Variants in MRPS35 observed in about 807,000 individuals in gnomAD.
MRPS35 encodes the protein small ribosomal subunit protein mS35.
A neutral mutation model predicts 32.7 loss-of-function variants in MRPS35; 29 were observed. The observed-to-expected ratio is 0.89, with a 90% CI of 0.66 to 1.21. MRPS35 has a LOEUF of 1.21. Ranked by LOEUF, MRPS35 falls within the 50% of genes most tolerant of loss-of-function variation. The pLI, the probability that MRPS35 is intolerant of heterozygous loss-of-function variation, is 0.00. For missense variants in MRPS35, 373 were observed against 383.8 expected (o/e 0.97, Z 0.23); for synonymous variants, 148 against 139.3 (o/e 1.06, Z -0.44).
chr12:27,737,206 G>A (rs181150799), intron 6 of MRPS35, among the ~76,000 whole-genome samples: 16 of 152,298 alleles, frequency 1.1e-4, no homozygotes, highest in Admixed American at 9.8e-4. Flanking sequence ...ATATGTTCAT[G>A]CTATCTGGCA....
At chr12:27,724,471 G>T (rs963392631) in intron 5 of MRPS35, among the ~76,000 whole-genome samples, 2 of 151,566 alleles carry the variant, frequency 1.3e-5, no homozygotes, top group East Asian at 3.9e-4. Flanking sequence ...CACCAGGCAT[G>T]GTGGCTCCTG....
At chr12:27,749,013 A>C (rs1444277870) in intron 7 of MRPS35, among the ~76,000 whole-genome samples, 1 of 152,238 alleles carries the variant, frequency 6.6e-6, no homozygotes, top group Non-Finnish European at 1.5e-5. Flanking sequence ...ATAGTGAACT[A>C]TAAGTCAGGG....
chr12:27,734,279 G>A (rs1458962293), intron 5 of MRPS35, among the ~76,000 whole-genome samples: 3 of 124,678 alleles, frequency 2.4e-5, no homozygotes, highest in African/African-American at 8.9e-5. Flanking sequence ...TTTTGCTCTT[G>A]TTGCCCAGGC....
intron 7 of MRPS35, among the ~76,000 whole-genome samples, chr12:27,748,762 T>C (rs1429683197): frequency 6.6e-6 from 1 of 151,944 alleles, no homozygotes; most frequent in East Asian, 1.9e-4. Flanking sequence ...CCTCAGCCTC[T>C]TGGGCTCAAG....
At chr12:27,752,491 A>G in intron 7 of MRPS35, among the ~76,000 whole-genome samples, 1 of 152,248 alleles carries the variant, frequency 6.6e-6, no homozygotes, top group East Asian at 1.9e-4. Flanking sequence ...TAAATAGTTA[A>G]GTCTCTTAAT....
chr12:27,746,859 T>G (rs1415852242), intron 7 of MRPS35, among the ~76,000 whole-genome samples: 1 of 152,186 alleles, frequency 6.6e-6, no homozygotes, highest in Admixed American at 6.5e-5. Context: ...GTTTCCCCCT[T>G]TTTATCCCTA....
chr12:27,755,714 G>T lies in MRPS35; in HGVS notation c.*264G>T, dbSNP rs1041528901. 3 of 222,140 alleles carry T rather than the reference G, an allele frequency of 1.4e-5. No individual in the cohort carries two copies. The highest frequency in any genetic ancestry group is 1.4e-3 in the Middle Eastern group (1 of 694). The allele number at this position is 222,140 out of a possible 1,614,324, so 13.8% of individuals were successfully genotyped here. A position where few individuals can be genotyped will look rare whatever the true frequency, so the allele number is the denominator to read the frequency against. On this transcript the variant is annotated 3_prime_UTR_variant, in exon 8 of 8. Transcript: ENST00000081029. ...TCTACATAATAGCTTTGGTATTCAT[G>T]TATATACATGCATTTAATTGTGATT...
intron 7 of MRPS35, among the ~76,000 whole-genome samples, chr12:27,741,948 G>T (rs1435309355): frequency 6.6e-6 from 1 of 152,076 alleles, no homozygotes; most frequent in African/African-American, 2.4e-5. Context: ...TAATAAAATG[G>T]TTCTGAAAAG....
chr12:27,713,399 G>A (rs768846703), intron 1 of MRPS35, among the ~76,000 whole-genome samples: 2 of 152,250 alleles, frequency 1.3e-5, no homozygotes, highest in Middle Eastern at 3.4e-3. Flanking sequence ...CAAGCTGGAA[G>A]CCCATGTCAG....
chr12:27,734,385 G>C (rs2061934777), intron 5 of MRPS35, among the ~76,000 whole-genome samples: 1 of 151,892 alleles, frequency 6.6e-6, no homozygotes, highest in Non-Finnish European at 1.5e-5. Flanking sequence ...TGGGATTACA[G>C]GTATGCGCCA....
intron 7 of MRPS35, among the ~76,000 whole-genome samples, chr12:27,742,481 C>T (rs2061967529): frequency 6.6e-6 from 1 of 152,138 alleles, no homozygotes; most frequent in Non-Finnish European, 1.5e-5. Context: ...CTGTGAGAGC[C>T]ACAGACAAGG....
At chr12:27,746,804 G>C (rs150273258) in intron 7 of MRPS35, among the ~76,000 whole-genome samples, 2 of 152,116 alleles carry the variant, frequency 1.3e-5, no homozygotes, top group African/African-American at 4.8e-5. Flanking sequence ...TACCAAATAA[G>C]TTACCAAGTC....
chr12:27,747,898 T>C (rs78917781), intron 7 of MRPS35, among the ~76,000 whole-genome samples: 2,846 of 152,338 alleles, frequency 0.019, 93 homozygotes, highest in African/African-American at 0.063. Flanking sequence ...TAGAACATGT[T>C]GTTCTAACAC....
chr12:27,721,548 A>C (rs937966255), intron 4 of MRPS35, among the ~76,000 whole-genome samples: 2 of 152,068 alleles, frequency 1.3e-5, no homozygotes, highest in Admixed American at 1.3e-4. Context: ...AGTCCCGGCT[A>C]CTCGGGGGCC....
chr12:27,721,645 G>C (rs769034838), intron 4 of MRPS35, among the ~76,000 whole-genome samples: 20 of 152,078 alleles, frequency 1.3e-4, no homozygotes, highest in Non-Finnish European at 2.6e-4. Flanking sequence ...AACAAAGTGA[G>C]ATCCTGTCTC....
intron 7 of MRPS35, among the ~76,000 whole-genome samples, chr12:27,750,372 G>A (rs1161301131): frequency 3.3e-5 from 5 of 152,048 alleles, no homozygotes; most frequent in Admixed American, 1.3e-4. Flanking sequence ...AACAACAATT[G>A]TATGTAATAA....
At chr12:27,724,477 T>C (rs1457172200) in intron 5 of MRPS35, among the ~76,000 whole-genome samples, 1 of 152,230 alleles carries the variant, frequency 6.6e-6, no homozygotes, top group Non-Finnish European at 1.5e-5. Flanking sequence ...GCATGGTGGC[T>C]CCTGCCTGTA....
intron 7 of MRPS35, among the ~76,000 whole-genome samples, chr12:27,745,461 A>T (rs569286667): frequency 1.3e-4 from 20 of 152,346 alleles, no homozygotes; most frequent in Middle Eastern, 3.4e-3. Context: ...ATCTGACTTT[A>T]ACTGCTAGTT....
In MRPS35 at chr12:27,714,793, C is replaced by A. The variant is rs563617405; in HGVS notation, c.126C>A (p.Pro42=). Residue 42 remains proline, a synonymous_variant, in exon 2 of 8, where the codon CCC becomes CCA. Coordinates refer to ENST00000081029, the MANE Select transcript of MRPS35 (RefSeq NM_021821.4). ...VPTPSLPERT[P]GNERPPRRKA... is the part of the protein sequence containing the mutation. ...TTTTACGTACAGCGGAAAGAACACC[C>A]GGAAATGAAAGGCCACCAAGAAGAA... 3.7e-6 allele frequency: 6 copies of A among 1,610,246 alleles called. No individual in the cohort carries two copies. The African/African-American group carries it at 8.0e-5, about 22-fold the overall frequency.
Sources: gnomAD v4.1 joint callset for allele counts (sites outside exome capture counted in the v4.1 genomes callset) on GRCh38, gnomAD v4.1.1 for gene constraint, MANE v1.5 for transcripts, NCBI Gene and HGNC (gene_info 2026-07-23, HGNC 2026-07-21) for gene names.